Variants in ABCC5 observed in about 807,000 individuals in gnomAD.
ABCC5 encodes the protein ATP binding cassette subfamily C member 5, also known as ATP-binding cassette sub-family C member 5.
A neutral mutation model predicts 160.9 loss-of-function variants in ABCC5; 61 were observed. The ratio of observed to expected loss-of-function variants is 0.38; its 90% CI spans 0.31 to 0.47. The LOEUF is 0.47. ABCC5 is among the 20% of genes least tolerant of loss of function. The pLI is 0.99. For synonymous variants in ABCC5, 666 were observed against 700.6 expected, an observed-to-expected ratio of 0.95 and a Z score of 0.78; for missense variants, 1,308 against 1,813.3, an observed-to-expected ratio of 0.72 and a Z score of 5.06.
chr3:183,991,596 A>C (rs1160988801), intron 2 of ABCC5, among the ~76,000 whole-genome samples: 1 of 152,236 alleles, frequency 6.6e-6, no homozygotes, highest in Non-Finnish European at 1.5e-5. Context: ...TGGTATTAGG[A>C]AAGCACATAG....
rs2108869036 is a variant in ABCC5, at chr3:183,989,106, G to A, written c.287+120C>T. ...GAATCACTTGAACCCAGGAGGCGGA[G>A]GTTGCAGTGAGCCGAGATCATGCCA... On this transcript the variant is annotated intron_variant, in intron 3 of 29. Transcript: ENST00000334444. 2.9e-6 allele frequency: 3 copies of A among 1,029,384 alleles called. No individual in the cohort carries two copies. The East Asian group carries it at 8.2e-5, about 28-fold the overall frequency. The allele number at this position is 1,029,384 out of a possible 1,614,324, so 63.8% of individuals were successfully genotyped here.
chr3:183,968,655 C>T (rs1197593180), intron 11 of ABCC5, among the ~76,000 whole-genome samples: 3 of 152,282 alleles, frequency 2.0e-5, no homozygotes, highest in East Asian at 3.9e-4. Flanking sequence ...AAAGAGTTCT[C>T]AAAGTGGTGT....
intron 29 of ABCC5, among the ~76,000 whole-genome samples, chr3:183,923,282 C>T (rs1712185729): frequency 6.6e-6 from 1 of 151,908 alleles, no homozygotes; most frequent in African/African-American, 2.4e-5. Flanking sequence ...CACTCCAAAA[C>T]ATCAAGCCAC....
In ABCC5 at chr3:183,965,401, A is replaced by C; in HGVS notation, c.1934T>G (p.Phe645Cys). The C allele has an allele frequency of 6.2e-7, 1 of 1,614,062 alleles. No individual in the cohort carries two copies. Among genetic ancestry groups the C allele is most frequent in the Non-Finnish European group, 8.5e-7 (1 of 1,180,028 alleles). ...CCTTTCTTCATCATATTCCTTCCCAAACAGGATGTTGTCTCTCAGAGTAGC... is the reference window on the plus strand; with the variant it reads ...CCTTTCTTCATCATATTCCTTCCCACACAGGATGTTGTCTCTCAGAGTAGC... ...LNATLRDNILFGKEYDEERYN... is the reference protein window; with the variant it reads ...LNATLRDNILCGKEYDEERYN... The change falls in exon 13 of 30, where the codon TTT (phenylalanine) becomes TGT (cysteine). Residue 645 changes from phenylalanine (F) to cysteine (C), a missense_variant. Transcript: ENST00000334444.
At chr3:183,983,160 G>A (rs1367230922) in intron 5 of ABCC5, among the ~76,000 whole-genome samples, 153 bp from the exon 6 acceptor site, 1 of 152,250 alleles carries the variant, frequency 6.6e-6, no homozygotes, top group African/African-American at 2.4e-5. Context: ...ATTACAAGCT[G>A]CCTGCAGTAA....
chr3:183,922,285 T>G (rs2108751955), intron 29 of ABCC5, among the ~76,000 whole-genome samples: 1 of 152,232 alleles, frequency 6.6e-6, no homozygotes, highest in East Asian at 1.9e-4. Flanking sequence ...GGCAGGAGAA[T>G]CGCTGGAACC....
At chr3:183,924,695 C>T (rs558299038) in intron 29 of ABCC5, among the ~76,000 whole-genome samples, 9 of 152,246 alleles carry the variant, frequency 5.9e-5, no homozygotes, top group Non-Finnish European at 1.2e-4. Context: ...GATGAATGAG[C>T]GGTGACTCTG....
At position 183,951,258 on chromosome 3, in the gene ABCC5, T is replaced by C. The variant is rs1325456671; in HGVS notation, c.2944+183A>G. Among the ~76,000 whole-genome samples the C allele has an allele frequency of 6.6e-6, 1 of 152,226 alleles. No homozygotes were observed. The highest frequency in any genetic ancestry group is 2.4e-5 in the African/African-American group (1 of 41,458). ...AAAGCCTTTCTGCTAACTCAATTCA[T>C]TGAATTTATTTTCAGGTCAAACAAG... On this transcript the variant is annotated intron_variant, in intron 20 of 29. Coordinates refer to ENST00000334444, the MANE Select transcript of ABCC5 (RefSeq NM_005688.4). The surrounding 1 kb of genome is among the most constrained non-coding windows in gnomAD (Gnocchi z 4.7).
intron 10 of ABCC5, among the ~76,000 whole-genome samples, chr3:183,973,098 A>C (rs1717914760): frequency 1.6e-5 from 2 of 124,322 alleles, no homozygotes; most frequent in South Asian, 5.0e-4. Flanking sequence ...TGTGTCGCCC[A>C]GGCTGGAGTG....
intron 25 of ABCC5, among the ~76,000 whole-genome samples, chr3:183,938,787 TA>T (rs1268591013): frequency 1.3e-5 from 2 of 152,146 alleles, no homozygotes; most frequent in Non-Finnish European, 2.9e-5. Context: ...AGAGAGAGAC[TA>T]AGACAAGGCC....
chr3:184,004,027 G>A (rs1358270129), intron 2 of ABCC5, among the ~76,000 whole-genome samples: 1 of 152,120 alleles, frequency 6.6e-6, no homozygotes, highest in African/African-American at 2.4e-5. Context: ...CAATACCAAT[G>A]TCTGGGTTCT....
intron 5 of ABCC5, chr3:183,986,737 GA>G (rs1719251417): frequency 6.6e-6 from 1 of 152,090 alleles, no homozygotes; most frequent in Non-Finnish European, 1.5e-5. Flanking sequence ...CTTCTTGGGG[GA>G]AGCTGGCTCT....
intron 3 of ABCC5, 77 bp downstream of exon 3, chr3:183,989,149 C>T (rs1015731542): frequency 3.3e-6 from 4 of 1,226,768 alleles, no homozygotes; most frequent in African/African-American, 2.0e-5. Context: ...CAGAGCAAGA[C>T]TCCATCTCAA....
chr3:183,928,825 T>A lies in ABCC5; in HGVS notation c.3855A>T (p.Arg1285Ser), dbSNP rs779523630. ...QEPVLFSGTV[R>S]SNLDPFNQYT... Reference sequence around the variant, plus strand: ...ACTGGTTGAAGGGGTCCAAATTTGATCTAGGGAGAAACACAGGAATTTCTC... The same window carrying A: ...ACTGGTTGAAGGGGTCCAAATTTGAACTAGGGAGAAACACAGGAATTTCTC... The change falls in exon 27 of 30, where the codon AGA becomes AGT. Residue 1285 changes from arginine to serine, a missense_variant and splice_region_variant. Around this residue, in one of 3 missense-constraint regions of ABCC5, gnomAD observed 163 missense variants for 269.7 expected, o/e 0.60. Transcript: ENST00000334444. The A allele has an allele frequency of 6.2e-7, 1 of 1,613,926 alleles. No homozygotes were observed. The highest frequency in any genetic ancestry group is 8.5e-7 in the Non-Finnish European group (1 of 1,179,852).
At chr3:183,937,019 T>G (rs750033764) in intron 26 of ABCC5, among the ~76,000 whole-genome samples, 1 of 152,026 alleles carries the variant, frequency 6.6e-6, no homozygotes, top group Non-Finnish European at 1.5e-5. Flanking sequence ...GTATCAAAGG[T>G]AGGGGAAGAT....
chr3:184,014,601 C>T (rs1722042976), intron 1 of ABCC5, among the ~76,000 whole-genome samples, 154 bp from the exon 2 acceptor site: 1 of 148,244 alleles, frequency 6.7e-6, no homozygotes, highest in Admixed American at 6.7e-5. Context: ...AAAAAAAGTT[C>T]AAAGATTTTG....
chr3:184,012,338 C>G (rs369409885), intron 2 of ABCC5, among the ~76,000 whole-genome samples: 9 of 152,170 alleles, frequency 5.9e-5, no homozygotes, highest in Admixed American at 2.6e-4. Context: ...GACCTATAAT[C>G]TCTTTACACA....
chr3:184,005,909 A>AT (rs1185879013), intron 2 of ABCC5, among the ~76,000 whole-genome samples: 1 of 21,920 alleles, frequency 4.6e-5, no homozygotes, highest in African/African-American at 5.0e-4. Flanking sequence ...TTAGGTACTT[A>AT]AAAAAAAAAA....
intron 17 of ABCC5, among the ~76,000 whole-genome samples, chr3:183,958,135 C>A (rs1222699630): frequency 3.3e-5 from 5 of 152,258 alleles, no homozygotes; most frequent in African/African-American, 1.2e-4. Context: ...CATGCAGATC[C>A]GTGTGTATAT....
Sources: gnomAD v4.1 joint callset for allele counts (sites outside exome capture counted in the v4.1 genomes callset) on GRCh38, gnomAD v4.1.1 for gene constraint, gnomAD v4.1.1 regional missense constraint, Gnocchi (gnomAD v3.1) non-coding constraint, MANE v1.5 for transcripts, NCBI Gene and HGNC (gene_info 2026-07-23, HGNC 2026-07-21) for gene names.